Variants in ZNF667 observed in about 807,000 individuals in gnomAD.
The protein encoded by ZNF667 is myocardial ischemic preconditioning upregulated 1 ortholog.
ZNF667 carries 13 observed loss-of-function variants against 31.8 expected under a neutral mutation model. That is an observed-to-expected ratio of 0.41 (90% CI 0.27 to 0.65). The LOEUF is 0.65. Among genes scored for constraint, ZNF667 ranks in the 30% least tolerant of loss-of-function variants. ZNF667 has a pLI of 0.32. For missense variants in ZNF667, 642 were observed against 725.6 expected (o/e 0.88, Z 1.32); for synonymous variants, 228 against 247.1 (o/e 0.92, Z 0.73).
At chr19:56,457,769 T>C (rs2042964719) in intron 6 of ZNF667, among the ~76,000 whole-genome samples, 1 of 152,190 alleles carries the variant, frequency 6.6e-6, no homozygotes, top group Non-Finnish European at 1.5e-5. Context: ...TGCAACAGAT[T>C]GAACGTTTAT....
intron 6 of ZNF667, among the ~76,000 whole-genome samples, chr19:56,451,327 A>G (rs558570717): frequency 4.6e-4 from 70 of 152,356 alleles, no homozygotes; most frequent in Non-Finnish European, 8.7e-4. Flanking sequence ...TACATAAAGC[A>G]AATATTTTCA....
At chr19:56,452,762 A>G (rs2042858633) in intron 6 of ZNF667, among the ~76,000 whole-genome samples, 1 of 152,110 alleles carries the variant, frequency 6.6e-6, no homozygotes, top group Non-Finnish European at 1.5e-5. Context: ...TCTACTAAAA[A>G]TACAAAAATT....
intron 3 of ZNF667, among the ~76,000 whole-genome samples, chr19:56,464,082 A>T (rs909851400): frequency 2.6e-5 from 4 of 152,172 alleles, no homozygotes; most frequent in African/African-American, 9.7e-5. Flanking sequence ...GTGTGTATAA[A>T]ATTTGTATCA....
intron 6 of ZNF667, among the ~76,000 whole-genome samples, chr19:56,450,447 A>T (rs2042796854): frequency 1.3e-5 from 2 of 152,136 alleles, no homozygotes; most frequent in Admixed American, 6.6e-5. Context: ...TCAACACCAG[A>T]CCTCTCCTAC....
chr19:56,471,604 T>G (rs534184057), intron 3 of ZNF667, 95 bp downstream of exon 3: 1 of 152,240 alleles, frequency 6.6e-6, no homozygotes, highest in South Asian at 2.1e-4. Flanking sequence ...AAAACTCTTT[T>G]GATTTCTTGT....
chr19:56,446,602 C>G (rs1437719016), intron 6 of ZNF667, among the ~76,000 whole-genome samples: 2 of 152,190 alleles, frequency 1.3e-5, no homozygotes, highest in African/African-American at 4.8e-5. Context: ...AATTCTGAAA[C>G]ACATCTTGCT....
At chr19:56,469,822 G>C (rs1309939407) in intron 3 of ZNF667, 1 of 416,756 alleles carries the variant, frequency 2.4e-6, no homozygotes, top group Non-Finnish European at 4.9e-6. Context: ...CACACGGAAA[G>C]GGCTTAAGTG....
Position 56,444,074 on chromosome 19 carries a change from GATATA to G in ZNF667, c.254-1338_254-1334del, listed in dbSNP as rs1600401266. The G allele has an allele frequency of 1.3e-5, 5 of 393,862 alleles. No individual in the cohort carries two copies. In the East Asian group the frequency reaches 1.8e-4, roughly 14 times the overall value. 24.4% of individuals were successfully genotyped at this position (393,862 alleles called of 1,614,324 possible). On this transcript the variant is annotated intron_variant, in intron 6 of 6. Coordinates refer to ENST00000504904, the MANE Select transcript of ZNF667 (RefSeq NM_001321356.2). ...CTCATTGTAAAAATGCTGGTTATATGATATAATATGTTGGATATATTAGGTTAAAT... is the reference window on the plus strand; with the variant it reads ...CTCATTGTAAAAATGCTGGTTATATGATATGTTGGATATATTAGGTTAAAT...
intron 6 of ZNF667, among the ~76,000 whole-genome samples, chr19:56,457,403 C>T (rs1000722829): frequency 2.0e-5 from 3 of 152,062 alleles, no homozygotes; most frequent in Non-Finnish European, 2.9e-5. Flanking sequence ...GGCTGTTTGG[C>T]GCTCTGAAGA....
intron 6 of ZNF667, among the ~76,000 whole-genome samples, chr19:56,454,601 T>C (rs1389391722): frequency 6.6e-6 from 1 of 151,196 alleles, no homozygotes; most frequent in African/African-American, 2.4e-5. Context: ...CTTCAATAAA[T>C]TGTGCTGGAA....
Position 56,440,087 on chromosome 19 carries a change from T to C in ZNF667, c.*1075A>G, listed in dbSNP as rs1371591522. On this transcript the variant is annotated 3_prime_UTR_variant, in exon 7 of 7. Coordinates refer to ENST00000504904, the MANE Select transcript of ZNF667 (RefSeq NM_001321356.2). The stretch of plus-strand genomic sequence containing the variant: ...CACATTGATGGTGAGGATTTTAACA[T>C]AATTAGTTTTGGGAGGGACATAAAC... The C allele has an allele frequency of 6.6e-6, 1 of 152,206 alleles. No individual in the cohort carries two copies. The highest frequency in any genetic ancestry group is 1.5e-5 in the Non-Finnish European group (1 of 68,036). 9.4% of individuals were successfully genotyped at this position (152,206 alleles called of 1,614,324 possible).
At chr19:56,449,266 C>T (rs1384776712) in intron 6 of ZNF667, 8 of 437,946 alleles carry the variant, frequency 1.8e-5, no homozygotes, top group Non-Finnish European at 3.2e-5. Flanking sequence ...TGACAAACAT[C>T]CATAAGCATC....
chr19:56,470,325 T>C (rs1047281337), intron 3 of ZNF667, among the ~76,000 whole-genome samples: 9 of 152,240 alleles, frequency 5.9e-5, no homozygotes, highest in Non-Finnish European at 1.3e-4. Flanking sequence ...CAGGTGTGTG[T>C]GCTGAATGTG....
In ZNF667 at chr19:56,442,623, G is replaced by T; in HGVS notation, c.372C>A (p.Gly124=). 6.2e-7 allele frequency: 1 copy of T among 1,613,868 alleles called. No homozygotes were observed. ...AQQKAPTRKS[G]CNKNSVLVKP... is the part of the protein sequence containing the mutation. ...TTACTAGGACTGAATTTTTGTTGCA[G>T]CCACTCTTTCGTGTAGGAGCTTTTT... The change falls in exon 7 of 7, where the codon GGC becomes GGA. Residue 124 remains glycine, a synonymous_variant. Transcript: ENST00000504904.
rs1400365878 is a variant in ZNF667, at chr19:56,442,521, A to T, written c.474T>A (p.Ser158=). 6.2e-7 allele frequency: 1 copy of T among 1,613,834 alleles called. No homozygotes were observed. The highest frequency in any genetic ancestry group is 2.2e-5 in the East Asian group (1 of 44,880). ...DCGKTFSRSF[S]LKLHQNIHTG... ...TATGAATGTTCTGATGAAGTTTAAG[A>T]GAGAAGCTTCGACTAAAGGTTTTAC... The change falls in exon 7 of 7, where the codon TCT becomes TCA. Residue 158 remains serine, a synonymous_variant. Transcript: ENST00000504904.
At position 56,467,283 on chromosome 19, in the gene ZNF667, T is replaced by A. The variant is rs143405745; in HGVS notation, c.-60+4416A>T. 2.4e-3 allele frequency among the ~76,000 whole-genome samples: 367 copies of A among 152,018 alleles called. 2 individuals are homozygous for A. The highest frequency in any genetic ancestry group is 4.3e-3 in the Non-Finnish European group (289 of 67,968). On this transcript the variant is annotated intron_variant, in intron 3 of 6. Transcript: ENST00000504904. The stretch of plus-strand genomic sequence containing the variant: ...CCCCCCAAAGATATGGACATCCTAA[T>A]CTCCAGAACCCATGAATATGGCACC...
intron 6 of ZNF667, among the ~76,000 whole-genome samples, chr19:56,455,660 A>C (rs1186792790): frequency 6.6e-6 from 1 of 152,228 alleles, no homozygotes; most frequent in Non-Finnish European, 1.5e-5. Flanking sequence ...TAGTGGGTAC[A>C]AAAATACAGT....
intron 3 of ZNF667, among the ~76,000 whole-genome samples, chr19:56,464,570 G>A (rs11672698): frequency 0.035 from 5,276 of 152,288 alleles, 210 homozygotes; most frequent in African/African-American, 0.096. Context: ...TGTAGCCTCT[G>A]GAAAATGTAA....
At position 56,441,059 on chromosome 19, in the gene ZNF667, T is replaced by C. The variant is rs1377681700; in HGVS notation, c.*103A>G. ...TCTTTGGCTTTCAAAGTGGGACATA[T>C]CATCAAATGGTCCCATATACACAAA... On this transcript the variant is annotated 3_prime_UTR_variant, in exon 7 of 7. Coordinates refer to ENST00000504904, the MANE Select transcript of ZNF667 (RefSeq NM_001321356.2). The surrounding 1 kb of genome is among the most constrained non-coding windows in gnomAD (Gnocchi z 4.2). 6.8e-7 allele frequency: 1 copy of C among 1,478,626 alleles called. No individual in the cohort carries two copies. Among genetic ancestry groups the C allele is most frequent in the Non-Finnish European group, 8.9e-7 (1 of 1,118,864 alleles). 91.6% of individuals were successfully genotyped at this position (1,478,626 alleles called of 1,614,324 possible).
Sources: gnomAD v4.1 joint callset for allele counts (sites outside exome capture counted in the v4.1 genomes callset) on GRCh38, gnomAD v4.1.1 for gene constraint, Gnocchi (gnomAD v3.1) non-coding constraint, MANE v1.5 for transcripts, NCBI Gene and HGNC (gene_info 2026-07-23, HGNC 2026-07-21) for gene names.